The following TLCD2 variants were observed in gnomAD, a reference collection of about 807,000 sequenced individuals.
TLCD2 encodes the protein TLC domain containing 2, also known as TLC domain-containing protein 2.
TLCD2 carries 12 observed loss-of-function variants against 14.0 expected under a neutral mutation model. The ratio of observed to expected loss-of-function variants is 0.86; its 90% CI spans 0.55 to 1.39. The LOEUF is 1.39. Ranked by LOEUF, TLCD2 falls within the 40% of genes most tolerant of loss-of-function variation. The pLI, the probability that TLCD2 is intolerant of heterozygous loss-of-function variation, is 0.00. For synonymous variants in TLCD2, 166 were observed against 156.5 expected (o/e 1.06, Z -0.45); for missense variants, 360 against 346.8 (o/e 1.04, Z -0.30).
At chr17:1,709,645 G>GGCCCCCC in intron 2 of TLCD2, 64 bp from the exon 3 acceptor site, 5 of 1,367,586 alleles carry the variant, frequency 3.7e-6, no homozygotes, top group African/African-American at 2.9e-5. Context: ...AGGATTTCCA[G>GGCCCCCC]CCCCCCCGCC....
In TLCD2 at chr17:1,704,278, T is replaced by TC. The variant is rs1913962838; in HGVS notation, c.*3491_*3492insG. On this transcript the variant is annotated 3_prime_UTR_variant, in exon 4 of 4. Coordinates refer to ENST00000330676, the MANE Select transcript of TLCD2 (RefSeq NM_001164407.2). ...AAGAAAAAAGAAAATTTTTTTTTTT[T>TC]GTAGAGAGGAGGTCTCAATATGTTG... 6.6e-6 allele frequency: 1 copy of TC among 151,268 alleles called. No homozygotes were observed. The highest frequency in any genetic ancestry group is 6.6e-5 in the Admixed American group (1 of 15,136). The allele number at this position is 151,268 out of a possible 1,614,324, so 9.4% of individuals were successfully genotyped here.
At chr17:1,708,824 C>G (rs1347980729) in intron 3 of TLCD2, among the ~76,000 whole-genome samples, 1 of 152,204 alleles carries the variant, frequency 6.6e-6, no homozygotes, top group Non-Finnish European at 1.5e-5. Context: ...TACCAGGACA[C>G]CCCCTTCTCA....
chr17:1,709,736 T>C, intron 2 of TLCD2, 68 bp downstream of exon 2: 2 of 1,251,780 alleles, frequency 1.6e-6, no homozygotes, highest in East Asian at 2.6e-5. Context: ...GGAATGGACC[T>C]GGAAGGACAG....
chr17:1,703,452 G>A lies in TLCD2; in HGVS notation c.*4318C>T, dbSNP rs1264599329. On this transcript the variant is annotated 3_prime_UTR_variant, in exon 4 of 4. Transcript: ENST00000330676. ...ATTTTTTAAGACGGAGTCTTGCTCT[G>A]TCACCCAGGCTGGAGTGCAGTGGCA... The A allele has an allele frequency of 6.6e-6, 1 of 152,194 alleles. No homozygotes were observed. Among genetic ancestry groups the A allele is most frequent in the Non-Finnish European group, 1.5e-5 (1 of 68,078 alleles). 9.4% of individuals were successfully genotyped at this position (152,194 alleles called of 1,614,324 possible).
At position 1,708,010 on chromosome 17, in the gene TLCD2, A is replaced by G. The variant is rs2151144994; in HGVS notation, c.555T>C (p.Ser185=). Residue 185 remains serine (S), a synonymous_variant, in exon 4 of 4, where the codon AGT becomes AGC. Transcript: ENST00000330676. The part of the protein sequence containing the change: ...LFRLVPLGWM[S]LWLFRQHHQV... ...GGTGGTGCTGCCGGAACAGCCACAGACTCATCCACCCCAGCGGGACCAGGC... is the reference window on the plus strand; with the variant it reads ...GGTGGTGCTGCCGGAACAGCCACAGGCTCATCCACCCCAGCGGGACCAGGC... 2 of 1,537,132 alleles carry G rather than the reference A, an allele frequency of 1.3e-6. No homozygotes were observed. Among genetic ancestry groups the G allele is most frequent in the Non-Finnish European group, 1.7e-6 (2 of 1,146,882 alleles).
Position 1,709,482 on chromosome 17 carries a change from T to C in TLCD2, c.342+17A>G. 2 of 1,529,116 alleles carry C rather than the reference T, an allele frequency of 1.3e-6. No individual in the cohort carries two copies. Among genetic ancestry groups the C allele is most frequent in the Non-Finnish European group, 1.8e-6 (2 of 1,142,678 alleles). 94.7% of individuals were successfully genotyped at this position (1,529,116 alleles called of 1,614,324 possible). On this transcript the variant is annotated intron_variant, in intron 3 of 3. Coordinates refer to ENST00000330676, the MANE Select transcript of TLCD2 (RefSeq NM_001164407.2). ...CCCTCCTCCCTTCCTGTCTGGCTTC[T>C]GCCCTCAGAGTCTCACCACCAAATG...
chr17:1,707,664 C>G lies in TLCD2; in HGVS notation c.*106G>C. Reference sequence around the variant, plus strand: ...GTTAGCTGGAAGAGAAACTGAGATTCTGATGAGCAAGTCTGGCCCTCACCC... The same window carrying G: ...GTTAGCTGGAAGAGAAACTGAGATTGTGATGAGCAAGTCTGGCCCTCACCC... On this transcript the variant is annotated 3_prime_UTR_variant, in exon 4 of 4. Transcript: ENST00000330676. 1 of 858,784 alleles carries G rather than the reference C, an allele frequency of 1.2e-6. No homozygotes were observed. The highest frequency in any genetic ancestry group is 2.2e-5 in the South Asian group (1 of 45,230). 53.2% of individuals were successfully genotyped at this position (858,784 alleles called of 1,614,324 possible).
At position 1,706,734 on chromosome 17, in the gene TLCD2, A is replaced by G. The variant is rs35871069; in HGVS notation, c.*1036T>C. 49,983 of 146,678 alleles carry G rather than the reference A, an allele frequency of 0.34. 10,798 individuals carry two copies. Among genetic ancestry groups the G allele is most frequent in the Non-Finnish European group, 0.47 (31,540 of 66,688 alleles). 9.1% of individuals were successfully genotyped at this position (146,678 alleles called of 1,614,324 possible). On this transcript the variant is annotated 3_prime_UTR_variant, in exon 4 of 4. Coordinates refer to ENST00000330676, the MANE Select transcript of TLCD2 (RefSeq NM_001164407.2). ...GATTGCAGTGAGCCAAGATCAAGCC[A>G]CTGCACTCCATCCTGGGCAACAGAG... is the stretch of plus-strand genomic sequence containing the variant.
rs763598019 is a variant in TLCD2 at position 1,709,836 on chromosome 17, C to A, written c.227G>T (p.Arg76Leu). The A allele has an allele frequency of 1.3e-6, 2 of 1,508,592 alleles. No homozygotes were observed. The highest frequency in any genetic ancestry group is 3.4e-4 in the Middle Eastern group (2 of 5,802). 93.5% of individuals were successfully genotyped at this position (1,508,592 alleles called of 1,614,324 possible). The change falls in exon 2 of 4, where the codon CGC (arginine) becomes CTC (leucine). Residue 76 changes from arginine (R) to leucine (L), a missense_variant. Physicochemically the swap from Arg to Leu is moderately radical, Grantham distance 102. Transcript: ENST00000330676. The part of the protein sequence containing the change: ...MAADPIHGHP[R>L]WALVLVAVSV... ...CACAGCCACCAGCACCAGAGCCCAG[C>A]GCGGGTGGCCATGGATGGGGTCGGC...
In TLCD2 at chr17:1,705,113, T is replaced by G. The variant is rs1443961875; in HGVS notation, c.*2657A>C. The G allele has an allele frequency of 6.6e-6, 1 of 152,196 alleles. No homozygotes were observed. The highest frequency in any genetic ancestry group is 2.4e-5 in the African/African-American group (1 of 41,426). 9.4% of individuals were successfully genotyped at this position (152,196 alleles called of 1,614,324 possible). On this transcript the variant is annotated 3_prime_UTR_variant, in exon 4 of 4. Coordinates refer to ENST00000330676, the MANE Select transcript of TLCD2 (RefSeq NM_001164407.2). ...AGTTGACACCCCTGATTCTGACTTGTCCTTATCTTCCTACCAGTCTCTGCC... is the reference window on the plus strand; with the variant it reads ...AGTTGACACCCCTGATTCTGACTTGGCCTTATCTTCCTACCAGTCTCTGCC...
chr17:1,708,352 T>C lies in TLCD2; in HGVS notation c.343-130A>G, dbSNP rs554122884. On this transcript the variant is annotated intron_variant, in intron 3 of 3. Coordinates refer to ENST00000330676, the MANE Select transcript of TLCD2 (RefSeq NM_001164407.2). The stretch of plus-strand genomic sequence containing the variant: ...CCCCAAACACCTGACCTTTATGCTT[T>C]TACCTTTATCCTGGGGCCCTGAGCA... 39 of 714,982 alleles carry C rather than the reference T, an allele frequency of 5.5e-5. No homozygotes were observed. In the African/African-American group the frequency reaches 6.6e-4, roughly 12 times the overall value. 44.3% of individuals were successfully genotyped at this position (714,982 alleles called of 1,614,324 possible).
In TLCD2 at chr17:1,708,023, A is replaced by G. The variant is rs114785138; in HGVS notation, c.542T>C (p.Leu181Pro). 4,443 of 1,537,230 alleles carry G rather than the reference A, an allele frequency of 2.9e-3. 106 individuals are homozygous for G. In the African/African-American group the frequency reaches 0.052, roughly 18 times the overall value. Residue 181 changes from leucine to proline, a missense_variant, in exon 4 of 4, where the codon CTG becomes CCG. Leu to Pro is a moderately conservative substitution (Grantham distance 98, BLOSUM62 -3). Transcript: ENST00000330676. Reference protein sequence around the residue: ...ATLALFRLVPLGWMSLWLFRQ... With the variant: ...ATLALFRLVPPGWMSLWLFRQ... The stretch of plus-strand genomic sequence containing the variant: ...GAACAGCCACAGACTCATCCACCCC[A>G]GCGGGACCAGGCGGAAGAGGGCCAA...
In TLCD2 at chr17:1,708,025, C is replaced by G. The variant is rs755639948; in HGVS notation, c.540G>C (p.Pro180=). The change falls in exon 4 of 4, where the codon CCG becomes CCC. Residue 180 remains proline (P), a synonymous_variant. Coordinates refer to ENST00000330676, the MANE Select transcript of TLCD2 (RefSeq NM_001164407.2). ...LATLALFRLV[P]LGWMSLWLFR... ...ACAGCCACAGACTCATCCACCCCAG[C>G]GGGACCAGGCGGAAGAGGGCCAAGG... 7.4e-5 allele frequency: 113 copies of G among 1,537,122 alleles called. No homozygotes were observed. Among genetic ancestry groups the G allele is most frequent in the Admixed American group, 2.0e-5 (1 of 50,976 alleles).
intron 3 of TLCD2, 42 bp from the exon 4 acceptor site, chr17:1,708,264 C>T (rs1329068551): frequency 7.1e-7 from 1 of 1,417,940 alleles, no homozygotes; most frequent in South Asian, 1.4e-5. Context: ...CCATGACCTG[C>T]CAGCCATCAT....
rs1244597764 is a variant in TLCD2 at position 1,703,939 on chromosome 17, T to C, written c.*3831A>G. On this transcript the variant is annotated 3_prime_UTR_variant, in exon 4 of 4. Coordinates refer to ENST00000330676, the MANE Select transcript of TLCD2 (RefSeq NM_001164407.2). Reference sequence around the variant, plus strand: ...CTTTTTTTTTTAATTAAAAATTTTTTTTTGGCCGGGTGTGTTGGCTCACGC... The same window carrying C: ...CTTTTTTTTTTAATTAAAAATTTTTCTTTGGCCGGGTGTGTTGGCTCACGC... 1.3e-5 allele frequency: 2 copies of C among 152,066 alleles called. No individual in the cohort carries two copies. The highest frequency in any genetic ancestry group is 6.6e-5 in the Admixed American group (1 of 15,242). 9.4% of individuals were successfully genotyped at this position (152,066 alleles called of 1,614,324 possible). A position where few individuals can be genotyped will look rare whatever the true frequency, so the allele number is the denominator to read the frequency against.
Position 1,708,505 on chromosome 17 carries a change from CGAGACA to C in TLCD2, c.343-289_343-284del, listed in dbSNP as rs920254818. Among the ~76,000 whole-genome samples the C allele has an allele frequency of 2.7e-4, 16 of 58,896 alleles. No individual in the cohort carries two copies. In the Middle Eastern group the frequency reaches 0.048, roughly 178 times the overall value. The allele number at this position is 58,896 out of a possible 152,430, so 38.6% of individuals were successfully genotyped here. ...TTTTTTTTTTTTTTTTTTTTTTTTT[CGAGACA>C]GACTCTCACTCTGCCACCAGGCTGG... On this transcript the variant is annotated intron_variant, in intron 3 of 3. Coordinates refer to ENST00000330676, the MANE Select transcript of TLCD2 (RefSeq NM_001164407.2).
chr17:1,709,752 C>T, intron 2 of TLCD2, 52 bp downstream of exon 2: 1 of 1,324,952 alleles, frequency 7.5e-7, no homozygotes, highest in Non-Finnish European at 1.0e-6. Flanking sequence ...GACAGCAGAA[C>T]CTGCCCCCCG....
At position 1,709,859 on chromosome 17, in the gene TLCD2, G is replaced by C; in HGVS notation, c.204C>G (p.Ala68=). Residue 68 remains alanine (A), a synonymous_variant, in exon 2 of 4, where the codon GCC becomes GCG. Transcript: ENST00000330676. ...LGLSLYPQMA[A]DPIHGHPRWA... Reference sequence around the variant, plus strand: ...AGCGCGGGTGGCCATGGATGGGGTCGGCGGCCATCTGAGGGTACAGTGACA... The same window carrying C: ...AGCGCGGGTGGCCATGGATGGGGTCCGCGGCCATCTGAGGGTACAGTGACA... 6.5e-7 allele frequency: 1 copy of C among 1,535,084 alleles called. No individual in the cohort carries two copies.
In TLCD2 at chr17:1,703,390, T is replaced by C. The variant is rs957515875; in HGVS notation, c.*4380A>G. 6.6e-6 allele frequency: 1 copy of C among 152,068 alleles called. No individual in the cohort carries two copies. The highest frequency in any genetic ancestry group is 2.4e-5 in the African/African-American group (1 of 41,368). The allele number at this position is 152,068 out of a possible 1,614,324, so 9.4% of individuals were successfully genotyped here. ...GTTCTTGGGCAGCCTTCATAGACAC[T>C]ATCTATCTATCTATCTGTCTATTTA... On this transcript the variant is annotated 3_prime_UTR_variant, in exon 4 of 4. Transcript: ENST00000330676.
Sources: gnomAD v4.1 joint callset for allele counts (sites outside exome capture counted in the v4.1 genomes callset) on GRCh38, gnomAD v4.1.1 for gene constraint, MANE v1.5 for transcripts, NCBI Gene and HGNC (gene_info 2026-07-23, HGNC 2026-07-21) for gene names.